The following GLRA2 variants were observed in gnomAD, a reference collection of about 807,000 sequenced individuals.
GLRA2 encodes the protein glycine receptor subunit alpha-2.
A neutral mutation model predicts 31.6 loss-of-function variants in GLRA2; 11 were observed. The observed-to-expected ratio is 0.35, with a 90% CI of 0.22 to 0.58. The LOEUF is 0.58. GLRA2 is among the 20% of genes least tolerant of loss of function. GLRA2 has a pLI of 0.84. For synonymous variants in GLRA2, 132 were observed against 134.0 expected (o/e 0.99, Z 0.10); for missense variants, 212 against 351.8 (o/e 0.60, Z 3.18).
At chrX:14,560,889 TACAC>T (rs755844328) in intron 2 of GLRA2, among the ~76,000 whole-genome samples, 1 of 107,100 alleles carries the variant, frequency 9.3e-6, no homozygotes, top group African/African-American at 3.4e-5. Flanking sequence ...TATATATACA[TACAC>T]ACACATAACA....
chrX:14,509,823 A>G, the GLRA2 span, among the ~76,000 whole-genome samples: 91 of 112,354 alleles, frequency 8.1e-4, 1 homozygote, highest in African/African-American at 2.9e-3. Context: ...CTTACACCTA[A>G]GTTAATGATT....
intron 7 of GLRA2, among the ~76,000 whole-genome samples, chrX:14,662,751 G>A (rs986692131): frequency 3.6e-5 from 4 of 111,681 alleles, no homozygotes; most frequent in Non-Finnish European, 7.5e-5. Context: ...CAGTTACAAA[G>A]TTAACTTATA....
intron 4 of GLRA2, among the ~76,000 whole-genome samples, chrX:14,589,485 C>T (rs2090117659): frequency 1.2e-5 from 1 of 86,315 alleles, no homozygotes; most frequent in Non-Finnish European, 2.3e-5. Context: ...TGGTGAAACC[C>T]CATCTGTACT....
chrX:14,673,564 G>A (rs1166841652), intron 7 of GLRA2, among the ~76,000 whole-genome samples: 1 of 111,606 alleles, frequency 9.0e-6, no homozygotes, highest in Non-Finnish European at 1.9e-5. Context: ...AGGCAACTTG[G>A]AAATCATAAA....
chrX:14,673,827 A>G (rs761144988), intron 7 of GLRA2, among the ~76,000 whole-genome samples: 1 of 112,534 alleles, frequency 8.9e-6, no homozygotes, highest in Non-Finnish European at 1.9e-5. Context: ...GTTATCTGCC[A>G]TCTATGAACA....
chrX:14,550,117 C>T (rs1353174313), intron 2 of GLRA2, among the ~76,000 whole-genome samples: 1 of 110,282 alleles, frequency 9.1e-6, no homozygotes, highest in Non-Finnish European at 1.9e-5. Context: ...AGTGGTGATA[C>T]AAAAGCCCAT....
chrX:14,493,763 A>G, the GLRA2 span, among the ~76,000 whole-genome samples: 1,397 of 99,316 alleles, frequency 0.014, 33 homozygotes, highest in African/African-American at 0.046. Context: ...ATGTATACAT[A>G]TGTATACATA....
At chrX:14,635,605 A>G (rs2090702091) in intron 7 of GLRA2, among the ~76,000 whole-genome samples, 1 of 112,013 alleles carries the variant, frequency 8.9e-6, no homozygotes, top group Non-Finnish European at 1.9e-5. Flanking sequence ...TAAGAGAAAC[A>G]TGAAGGCCAA....
chrX:14,469,680 C>T, the GLRA2 span, among the ~76,000 whole-genome samples: 1 of 77,139 alleles, frequency 1.3e-5, no homozygotes, highest in Non-Finnish European at 2.3e-5. Flanking sequence ...GAACATCACA[C>T]TCTGGGGACT....
At chrX:14,679,931 C>T (rs1424579522) in intron 7 of GLRA2, among the ~76,000 whole-genome samples, 1 of 111,323 alleles carries the variant, frequency 9.0e-6, no homozygotes, top group Non-Finnish European at 1.9e-5. Context: ...TGTACAACCC[C>T]AAGAAAAACA....
intron 7 of GLRA2, among the ~76,000 whole-genome samples, chrX:14,660,497 T>C (rs1231786503): frequency 8.9e-6 from 1 of 112,070 alleles, no homozygotes; most frequent in African/African-American, 3.2e-5. Flanking sequence ...TGGAGGTTTT[T>C]GGACAAAGAA....
intron 8 of GLRA2, among the ~76,000 whole-genome samples, chrX:14,724,674 C>T (rs751323533): frequency 2.0e-5 from 2 of 98,930 alleles, no homozygotes; most frequent in East Asian, 6.5e-4. Flanking sequence ...ATGGCAGTTG[C>T]TCAATAAATA....
intron 8 of GLRA2, among the ~76,000 whole-genome samples, chrX:14,715,211 G>A (rs1176499557): frequency 9.0e-6 from 1 of 111,629 alleles, no homozygotes; most frequent in Non-Finnish European, 1.9e-5. Flanking sequence ...CTTAATACTT[G>A]GCCAAAAAAA....
At chrX:14,655,312 GTTGT>G (rs1235799486) in intron 7 of GLRA2, among the ~76,000 whole-genome samples, 1 of 111,070 alleles carries the variant, frequency 9.0e-6, no homozygotes, top group Non-Finnish European at 1.9e-5. Context: ...GGCAAGCTAG[GTTGT>G]TTGGAGCATC....
intron 3 of GLRA2, among the ~76,000 whole-genome samples, chrX:14,580,503 C>A (rs952531374): frequency 1.7e-4 from 19 of 111,848 alleles, no homozygotes; most frequent in Non-Finnish European, 3.0e-4. Context: ...AATGGGAATG[C>A]CAGGGGTGTA....
rs192932179 is a variant in GLRA2 at position 14,715,490 on chromosome X, C to T, written c.1081-14717C>T. Among the ~76,000 whole-genome samples, 4 of 111,684 alleles carry T rather than the reference C, an allele frequency of 3.6e-5. No homozygotes were observed. In the East Asian group the frequency reaches 1.1e-3, roughly 31 times the overall value. ...CAAAATATGTCAGAACGGGCCCCTG[C>T]ACTTGAAAGTTACATGAAAGAGGCA... On this transcript the variant is annotated intron_variant, in intron 8 of 8. Transcript: ENST00000218075.
upstream of GLRA2, among the ~76,000 whole-genome samples, chrX:14,526,635 T>C (rs761590923): frequency 1.8e-5 from 2 of 111,711 alleles, no homozygotes; most frequent in East Asian, 5.7e-4. Context: ...CTTTGGTTGG[T>C]AACAATGAAA....
At chrX:14,653,632 T>C (rs113238845) in intron 7 of GLRA2, among the ~76,000 whole-genome samples, 28 of 112,638 alleles carry the variant, frequency 2.5e-4, no homozygotes, top group African/African-American at 7.4e-4. Context: ...ACTGTGAACA[T>C]TGTTGCAACA....
the GLRA2 span, among the ~76,000 whole-genome samples, chrX:14,476,882 C>A: frequency 8.9e-6 from 1 of 111,925 alleles, no homozygotes; most frequent in African/African-American, 3.3e-5. Context: ...TTTACAAGAA[C>A]CTCATAGTTT....
Sources: allele counts gnomAD v4.1 joint callset (sites outside exome capture counted in the v4.1 genomes callset), GRCh38; gene constraint gnomAD v4.1.1; transcripts MANE v1.5; gene names NCBI Gene and HGNC (gene_info 2026-07-23, HGNC 2026-07-21).